The following ODR4 variants were observed in gnomAD, a reference collection of about 807,000 sequenced individuals.
ODR4 encodes the protein protein odr-4 homolog.
In ODR4, 47 loss-of-function variants were observed where a neutral mutation model predicts 60.2. That is an observed-to-expected ratio of 0.78 (90% confidence interval 0.62 to 1.00). The LOEUF is 1.00. Among genes scored for constraint, ODR4 ranks in the 50% least tolerant of loss-of-function variants. The pLI is 0.00. For missense variants in ODR4, 488 were observed against 530.8 expected (o/e 0.92, Z 0.79); for synonymous variants, 178 against 175.5 (o/e 1.01, Z -0.11).
the ODR4 span, among the ~76,000 whole-genome samples, chr1:186,433,183 T>C: frequency 6.6e-6 from 1 of 152,184 alleles, no homozygotes; most frequent in Non-Finnish European, 1.5e-5. Context: ...CTTATGTTTG[T>C]ACTTTGTGGG....
chr1:186,402,744 T>C (rs896057473), intron 11 of ODR4, among the ~76,000 whole-genome samples: 1 of 150,278 alleles, frequency 6.7e-6, no homozygotes, highest in Non-Finnish European at 1.5e-5. Flanking sequence ...CACAGCAGTA[T>C]GCCTGAGTAA....
intron 11 of ODR4, chr1:186,399,324 G>C: frequency 2.5e-6 from 1 of 407,074 alleles, no homozygotes; most frequent in Non-Finnish European, 4.6e-6. Flanking sequence ...TCCTACCTCA[G>C]CCTCCCTAGT....
chr1:186,425,757 C>T (rs575501060), downstream of ODR4, among the ~76,000 whole-genome samples: 2 of 152,284 alleles, frequency 1.3e-5, no homozygotes, highest in Middle Eastern at 3.4e-3. Flanking sequence ...TACAGATGCA[C>T]CGTTGATCCT....
chr1:186,401,082 C>G (rs1217801146), intron 11 of ODR4: 9 of 1,597,072 alleles, frequency 5.6e-6, no homozygotes, highest in Non-Finnish European at 6.9e-6. Context: ...AAAGATTTAC[C>G]TTAGCAGACA....
Position 186,407,933 on chromosome 1 carries a change from G to T in ODR4, c.1186+1665G>T, listed in dbSNP as rs957467748. The stretch of plus-strand genomic sequence containing the variant: ...GTATGATTTTTTTTCTGAAGAAAAG[G>T]TCTATCGCTTTCAAAGAGTTTAAAA... On this transcript the variant is annotated intron_variant, in intron 12 of 13. Coordinates refer to ENST00000287859, the MANE Select transcript of ODR4 (RefSeq NM_017847.6). 2.0e-5 allele frequency among the ~76,000 whole-genome samples: 3 copies of T among 152,118 alleles called. No individual in the cohort carries two copies. In the South Asian group the frequency reaches 6.2e-4, roughly 32 times the overall value.
At position 186,398,432 on chromosome 1, in the gene ODR4, T is replaced by C; in HGVS notation, c.900T>C (p.Asp300=). The C allele has an allele frequency of 6.2e-7, 1 of 1,605,554 alleles. No individual in the cohort carries two copies. The highest frequency in any genetic ancestry group is 2.2e-5 in the East Asian group (1 of 44,476). Residue 300 remains aspartate (D), a synonymous_variant, in exon 10 of 14, where the codon GAT becomes GAC. Coordinates refer to ENST00000287859, the MANE Select transcript of ODR4 (RefSeq NM_017847.6). The part of the protein sequence containing the change: ...YIHSSKPKVK[D]AVQAVKRDIL... ...ACAGCAGTAAACCCAAAGTTAAAGA[T>C]GCTGTGCAGGTACAAAAAGGAATAA...
intron 9 of ODR4, among the ~76,000 whole-genome samples, chr1:186,396,715 A>G (rs1660692433): frequency 7.2e-6 from 1 of 139,702 alleles, no homozygotes; most frequent in East Asian, 2.1e-4. Flanking sequence ...TAACAATGCC[A>G]TAATTATAGA....
At chr1:186,384,572 G>GACACACACACACAC (rs368870659) in intron 3 of ODR4, among the ~76,000 whole-genome samples, 1,472 of 129,612 alleles carry the variant, frequency 0.011, 20 homozygotes, top group African/African-American at 0.037. Context: ...AATTGTATAT[G>GACACACACACACAC]ACACACACAC....
chr1:186,390,499 A>C (rs980604059), intron 6 of ODR4, among the ~76,000 whole-genome samples: 1 of 152,204 alleles, frequency 6.6e-6, no homozygotes, highest in Non-Finnish European at 1.5e-5. Context: ...GAGGAGAAGT[A>C]TTGCCAAGGA....
intron 8 of ODR4, among the ~76,000 whole-genome samples, chr1:186,392,503 G>A (rs536870487): frequency 6.6e-6 from 1 of 152,312 alleles, no homozygotes; most frequent in African/African-American, 2.4e-5. Context: ...GGATGGAGCT[G>A]GAGGCCTTTA....
At chr1:186,384,624 A>G (rs1395645206) in intron 3 of ODR4, among the ~76,000 whole-genome samples, 2 of 149,434 alleles carry the variant, frequency 1.3e-5, no homozygotes, top group Non-Finnish European at 2.9e-5. Flanking sequence ...ATGAATTTAT[A>G]TAGTAAATTA....
downstream of ODR4, among the ~76,000 whole-genome samples, chr1:186,425,505 C>A (rs1262908243): frequency 6.6e-6 from 1 of 152,108 alleles, no homozygotes; most frequent in Non-Finnish European, 1.5e-5. Flanking sequence ...CTTGACTTTG[C>A]TCTGAGTCAT....
At chr1:186,427,849 C>T in the ODR4 span, among the ~76,000 whole-genome samples, 1 of 152,188 alleles carries the variant, frequency 6.6e-6, no homozygotes, top group Non-Finnish European at 1.5e-5. Flanking sequence ...ACGTTAATCT[C>T]TGCATATCTC....
At chr1:186,376,918 T>C (rs1380886734) in intron 1 of ODR4, among the ~76,000 whole-genome samples, 1 of 152,212 alleles carries the variant, frequency 6.6e-6, no homozygotes, top group Non-Finnish European at 1.5e-5. Context: ...GTTGTGTCAG[T>C]CACAGTGCTT....
chr1:186,378,138 G>A (rs1477271456), intron 1 of ODR4, among the ~76,000 whole-genome samples: 1 of 152,100 alleles, frequency 6.6e-6, no homozygotes, highest in Non-Finnish European at 1.5e-5. Flanking sequence ...ACAGCCTCCA[G>A]TAGGACATTT....
intron 9 of ODR4, among the ~76,000 whole-genome samples, chr1:186,395,782 A>G (rs566122159): frequency 1.3e-5 from 2 of 152,256 alleles, no homozygotes; most frequent in South Asian, 4.1e-4. Context: ...TCATTTCTGA[A>G]TCATAGTTTA....
At chr1:186,382,811 G>C (rs1660090693) in intron 2 of ODR4, among the ~76,000 whole-genome samples, 1 of 152,192 alleles carries the variant, frequency 6.6e-6, no homozygotes, top group Non-Finnish European at 1.5e-5. Flanking sequence ...TACATTAAAA[G>C]ATAAACAACA....
intron 2 of ODR4, among the ~76,000 whole-genome samples, chr1:186,381,580 G>A (rs1348112419): frequency 6.6e-6 from 1 of 152,106 alleles, no homozygotes; most frequent in African/African-American, 2.4e-5. Flanking sequence ...GCCTGCCTCG[G>A]CCTCCCAAAG....
At chr1:186,428,722 T>C in the ODR4 span, among the ~76,000 whole-genome samples, 2 of 152,206 alleles carry the variant, frequency 1.3e-5, no homozygotes, top group Non-Finnish European at 2.9e-5. Flanking sequence ...TTTCTTTCAC[T>C]TGGACACTTA....
Sources: allele counts gnomAD v4.1 joint callset (sites outside exome capture counted in the v4.1 genomes callset), GRCh38; gene constraint gnomAD v4.1.1; transcripts MANE v1.5; gene names NCBI Gene and HGNC (gene_info 2026-07-23, HGNC 2026-07-21).